CTNNA2: variants seen among roughly 807,000 people sequenced by gnomAD.
CTNNA2 encodes the protein catenin alpha-2.
In CTNNA2, 42 loss-of-function variants were observed where a neutral mutation model predicts 101.0. The ratio of observed to expected loss-of-function variants is 0.42; its 90% confidence interval spans 0.32 to 0.54. The LOEUF (loss-of-function observed/expected upper bound fraction) is 0.54. CTNNA2 is among the 20% of genes least tolerant of loss of function. The probability of loss-of-function intolerance (pLI) is 0.14; values close to 1 mark genes in which losing one functional copy is unlikely to be tolerated. For missense variants in CTNNA2, 871 were observed against 1,223.1 expected (o/e 0.71, Z 4.29); for synonymous variants, 450 against 456.4 (o/e 0.99, Z 0.18).
At chr2:80,466,743 A>G (rs1684885327) in intron 9 of CTNNA2, among the ~76,000 whole-genome samples, 3 of 152,328 alleles carry the variant, frequency 2.0e-5, no homozygotes, top group Non-Finnish European at 4.4e-5. Context: ...TTTCTGTTTC[A>G]TGCTATCTTG....
rs532990041 is a variant in CTNNA2 at position 80,102,701 on chromosome 2, G to A, written c.1056+192904G>A. Among the ~76,000 whole-genome samples the A allele has an allele frequency of 4.8e-4, 73 of 152,002 alleles. 1 individual carries two copies. Among genetic ancestry groups the A allele is most frequent in the Non-Finnish European group, 1.3e-4 (9 of 67,988 alleles). On this transcript the variant is annotated intron_variant, in intron 7 of 18. Coordinates refer to ENST00000402739, the MANE Select transcript of CTNNA2 (RefSeq NM_001282597.3). ...TAATTTTTGTATTTTTAGTAGAGAC[G>A]GGGTTTCACCATGTTGCTCAGGCTG...
chr2:80,090,717 A>G (rs1699743143), intron 7 of CTNNA2, among the ~76,000 whole-genome samples: 1 of 152,068 alleles, frequency 6.6e-6, no homozygotes, highest in Non-Finnish European at 1.5e-5. Context: ...GGAATTGACA[A>G]CACCATGAGG....
chr2:79,781,740 G>A (rs1420730339), intron 3 of CTNNA2, among the ~76,000 whole-genome samples: 1 of 152,114 alleles, frequency 6.6e-6, no homozygotes, highest in Admixed American at 6.5e-5. Context: ...GCAATTATAT[G>A]TAAAACTGAT....
chr2:79,868,281 A>AT (rs1682299769), intron 4 of CTNNA2, among the ~76,000 whole-genome samples: 1 of 152,188 alleles, frequency 6.6e-6, no homozygotes, highest in South Asian at 2.1e-4. Context: ...AATCCAGGAC[A>AT]TAAACGTTAT....
Position 79,871,793 on chromosome 2 carries a change from T to G in CTNNA2, c.585+1858T>G, listed in dbSNP as rs114101654. Among the ~76,000 whole-genome samples the G allele has an allele frequency of 8.2e-3, 1,249 of 152,280 alleles. 3 individuals carry two copies. Among genetic ancestry groups the G allele is most frequent in the Non-Finnish European group, 0.013 (896 of 68,014 alleles). ...TGTGCCGATTTTGAGATATCCACAT[T>G]GAAACATCAAATAGAAGAGAAGTGT... On this transcript the variant is annotated intron_variant, in intron 5 of 18. Coordinates refer to ENST00000402739, the MANE Select transcript of CTNNA2 (RefSeq NM_001282597.3).
At chr2:79,675,051 T>C (rs1188602249) in intron 2 of CTNNA2, among the ~76,000 whole-genome samples, 2 of 152,246 alleles carry the variant, frequency 1.3e-5, no homozygotes, top group Non-Finnish European at 2.9e-5. Context: ...GAGGCTGAGA[T>C]ATTATCAGTG....
At chr2:79,218,717 G>A (rs1674302201) in intron 2 of CTNNA2, among the ~76,000 whole-genome samples, 2 of 152,086 alleles carry the variant, frequency 1.3e-5, no homozygotes, top group South Asian at 4.1e-4. Flanking sequence ...TACAAATCAC[G>A]GATCTTGGAA....
At chr2:79,597,123 T>A (rs1259107668) in intron 1 of CTNNA2, among the ~76,000 whole-genome samples, 1 of 152,336 alleles carries the variant, frequency 6.6e-6, no homozygotes, top group Admixed American at 6.5e-5. Context: ...TGCATGCACA[T>A]GCCTTTTGTG....
rs541920201 is a variant in CTNNA2 at position 79,800,080 on chromosome 2, T to C, written c.298+55498T>C. Among the ~76,000 whole-genome samples, 195 of 152,356 alleles carry C rather than the reference T, an allele frequency of 1.3e-3. 1 individual carries two copies. Among genetic ancestry groups the C allele is most frequent in the South Asian group, 9.1e-3 (44 of 4,830 alleles). ...TGCAGATGGATTAATCTGTAACTTATGTCACTATATCAGAATTTGCTAAAA... is the reference window on the plus strand; with the variant it reads ...TGCAGATGGATTAATCTGTAACTTACGTCACTATATCAGAATTTGCTAAAA... On this transcript the variant is annotated intron_variant, in intron 3 of 18. Coordinates refer to ENST00000402739, the MANE Select transcript of CTNNA2 (RefSeq NM_001282597.3).
chr2:79,531,231 TATATAG>T (rs1672724958), intron 1 of CTNNA2, among the ~76,000 whole-genome samples: 6 of 122,734 alleles, frequency 4.9e-5, no homozygotes, highest in African/African-American at 9.4e-5. Flanking sequence ...TATATATATA[TATATAG>T]CTTGAGGGTA....
chr2:79,208,644 G>T lies in CTNNA2; in HGVS notation c.-406+10568G>T, dbSNP rs61587213. 3.8e-3 allele frequency among the ~76,000 whole-genome samples: 572 copies of T among 152,226 alleles called. 3 individuals carry two copies. The highest frequency in any genetic ancestry group is 0.014 in the Middle Eastern group (4 of 294). The stretch of plus-strand genomic sequence containing the variant: ...CTTTTGTTCTTCAAGCTGAATCTTG[G>T]CTGTCAGTCAAGCTACACATCTTCT... On this transcript the variant is annotated intron_variant, in intron 2 of 21. Transcript: ENST00000466387.
chr2:80,268,329 G>A (rs1158384924), intron 7 of CTNNA2, among the ~76,000 whole-genome samples: 1 of 152,178 alleles, frequency 6.6e-6, no homozygotes, highest in Non-Finnish European at 1.5e-5. Flanking sequence ...TTTGAAATTT[G>A]CAAACCTGTC....
intron 12 of CTNNA2, among the ~76,000 whole-genome samples, chr2:80,563,481 C>T (rs1458938610): frequency 6.6e-6 from 1 of 152,160 alleles, no homozygotes; most frequent in Non-Finnish European, 1.5e-5. Context: ...AACAGGTGAA[C>T]AAAAGAACAA....
intron 4 of CTNNA2, among the ~76,000 whole-genome samples, chr2:79,480,177 T>C (rs551474732): frequency 1.4e-4 from 22 of 152,146 alleles, no homozygotes; most frequent in African/African-American, 5.1e-4. Flanking sequence ...GGGAACTCTC[T>C]TGAGAACTGA....
At chr2:79,326,467 T>A (rs1422506701) in intron 3 of CTNNA2, among the ~76,000 whole-genome samples, 1 of 151,464 alleles carries the variant, frequency 6.6e-6, no homozygotes, top group African/African-American at 2.4e-5. Context: ...CAACCTAGGT[T>A]TTTTTTAAAT....
chr2:80,211,846 A>G (rs1707914081), intron 7 of CTNNA2, among the ~76,000 whole-genome samples: 1 of 151,850 alleles, frequency 6.6e-6, no homozygotes, highest in Admixed American at 6.6e-5. Flanking sequence ...CTTCCTACCC[A>G]TAAGCGTGGA....
chr2:79,836,502 C>T (rs1435663023), intron 3 of CTNNA2, among the ~76,000 whole-genome samples: 20 of 152,170 alleles, frequency 1.3e-4, no homozygotes, highest in Non-Finnish European at 2.9e-5. Flanking sequence ...GCTTCCATAA[C>T]AAAGTATCAC....
chr2:79,646,186 G>C (rs1680799829), intron 1 of CTNNA2, among the ~76,000 whole-genome samples: 3 of 152,216 alleles, frequency 2.0e-5, no homozygotes, highest in African/African-American at 4.8e-5. Flanking sequence ...TTGAAAAGGA[G>C]AATTTCTGCA....
chr2:80,644,410 A>T (rs906809182), intron 18 of CTNNA2, among the ~76,000 whole-genome samples: 2 of 152,164 alleles, frequency 1.3e-5, no homozygotes, highest in African/African-American at 4.8e-5. Flanking sequence ...AGAGAATGCA[A>T]CTATGTTAAA....
Sources: allele counts gnomAD v4.1 joint callset (sites outside exome capture counted in the v4.1 genomes callset), GRCh38; gene constraint gnomAD v4.1.1; transcripts MANE v1.5; gene names NCBI Gene and HGNC (gene_info 2026-07-23, HGNC 2026-07-21).